TDP2: variants seen among roughly 807,000 people sequenced by gnomAD.
The protein encoded by TDP2 is 5'-Tyr-DNA phosphodiesterase.
A neutral mutation model predicts 42.8 loss-of-function variants in TDP2; 38 were observed. That is an observed-to-expected ratio of 0.89 (90% CI 0.68 to 1.16). TDP2 has a LOEUF of 1.16. TDP2 is among the 50% of genes most tolerant of loss of function. The pLI, the probability that TDP2 is intolerant of heterozygous loss-of-function variation, is 0.00. For synonymous variants in TDP2, 173 were observed against 150.6 expected (o/e 1.15, Z -1.09); for missense variants, 439 against 439.3 (o/e 1.00, Z 0.01).
chr6:24,659,386 T>A (rs144094433), intron 2 of TDP2, among the ~76,000 whole-genome samples: 25 of 152,334 alleles, frequency 1.6e-4, no homozygotes, highest in Middle Eastern at 6.8e-3. Flanking sequence ...AGGGCACATG[T>A]CCACAAGGTA....
At chr6:24,654,931 G>T (rs960632661) in intron 4 of TDP2, among the ~76,000 whole-genome samples, 2 of 152,260 alleles carry the variant, frequency 1.3e-5, no homozygotes, top group South Asian at 4.1e-4. Context: ...CCAGCTACTC[G>T]GGAGGCTGAA....
intron 2 of TDP2, among the ~76,000 whole-genome samples, chr6:24,661,915 C>T (rs1277089035): frequency 1.3e-5 from 2 of 152,104 alleles, no homozygotes; most frequent in Middle Eastern, 3.2e-3. Flanking sequence ...AATTCTTCTG[C>T]CTTGAGGTGC....
chr6:24,653,159 G>C lies in TDP2; in HGVS notation c.637-6C>G. On this transcript the variant is annotated splice_polypyrimidine_tract_variant and splice_region_variant and intron_variant, in intron 5 of 6. Transcript: ENST00000378198. ...TCATTTCCTGACACGTTCACCTGCA[G>C]CAGGACAAACAGTCATTAAAACTGT... The C allele has an allele frequency of 6.2e-7, 1 of 1,613,752 alleles. No individual in the cohort carries two copies. Among genetic ancestry groups the C allele is most frequent in the South Asian group, 1.1e-5 (1 of 91,070 alleles).
At chr6:24,654,815 C>T (rs3181236) in intron 4 of TDP2, among the ~76,000 whole-genome samples, 11,641 of 152,048 alleles carry the variant, frequency 0.077, 1,307 homozygotes, top group East Asian at 0.45. Flanking sequence ...TCGAGGTGGG[C>T]GGATCACCTG....
chr6:24,654,078 T>C (rs1219967849), intron 5 of TDP2, among the ~76,000 whole-genome samples: 4 of 152,200 alleles, frequency 2.6e-5, no homozygotes, highest in Non-Finnish European at 5.9e-5. Flanking sequence ...CTATATACTA[T>C]ATCAGAGCAA....
At position 24,658,691 on chromosome 6, in the gene TDP2, T is replaced by C. The variant is rs375353513; in HGVS notation, c.295A>G (p.Lys99Glu). 2.7e-5 allele frequency: 43 copies of C among 1,613,822 alleles called. No individual in the cohort carries two copies. The highest frequency in any genetic ancestry group is 3.5e-5 in the Non-Finnish European group (41 of 1,179,840). The change falls in exon 3 of 7, where the codon AAA becomes GAA. Residue 99 changes from lysine (K) to glutamate (E), a missense_variant. Lys to Glu is a moderately conservative substitution (Grantham distance 56). Coordinates refer to ENST00000378198, the MANE Select transcript of TDP2 (RefSeq NM_016614.3). ...NEETTDSTTS[K>E]ISPSEDTQQE... is the part of the protein sequence containing the mutation. ...TGAGTATCTTCAGATGGGCTGATTT[T>C]AGAAGTGGTGGAATCAGTTGTTTCT...
At position 24,666,516 on chromosome 6, in the gene TDP2, C is replaced by T. The variant is rs763986535; in HGVS notation, c.251+10G>A. ...CGTGCGGACTGGCTCCCGCTCCCCT[C>T]ATCACTTACTAGGTCTTGGGCTCAG... On this transcript the variant is annotated intron_variant, in intron 2 of 6. Transcript: ENST00000378198. The T allele has an allele frequency of 1.9e-6, 3 of 1,613,648 alleles. No homozygotes were observed. In the South Asian group the frequency reaches 3.3e-5, roughly 18 times the overall value.
intron 2 of TDP2, 63 bp downstream of exon 2, chr6:24,666,463 G>A: frequency 6.5e-7 from 1 of 1,544,880 alleles, no homozygotes; most frequent in Non-Finnish European, 8.9e-7. Flanking sequence ...CCCAGGACGC[G>A]CAGGGCTACC....
intron 3 of TDP2, 144 bp downstream of exon 3, chr6:24,658,417 A>G: frequency 1.6e-6 from 1 of 626,130 alleles, no homozygotes; most frequent in South Asian, 3.5e-5. Flanking sequence ...TCCTGCTCTC[A>G]GAGGCAATCA....
At chr6:24,658,787 A>C in intron 2 of TDP2, 53 bp from the exon 3 acceptor site, 2 of 1,538,558 alleles carry the variant, frequency 1.3e-6, no homozygotes, top group Non-Finnish European at 1.8e-6. Context: ...AAATTGATTA[A>C]GAATTATTTT....
At chr6:24,661,949 A>T (rs1356651960) in intron 2 of TDP2, among the ~76,000 whole-genome samples, 4 of 152,220 alleles carry the variant, frequency 2.6e-5, no homozygotes, top group African/African-American at 9.6e-5. Context: ...CTCTAGCCTC[A>T]ACCCTGTGCT....
At chr6:24,660,780 A>G (rs1428433391) in intron 2 of TDP2, among the ~76,000 whole-genome samples, 1 of 151,908 alleles carries the variant, frequency 6.6e-6, no homozygotes, top group Non-Finnish European at 1.5e-5. Flanking sequence ...TTCAATCCAG[A>G]AAAGTTTTTC....
intron 2 of TDP2, among the ~76,000 whole-genome samples, chr6:24,662,977 A>C (rs771384201): frequency 5.3e-5 from 8 of 152,240 alleles, no homozygotes; most frequent in Non-Finnish European, 8.8e-5. Flanking sequence ...TGCTCATCAC[A>C]TCAGGCCCCT....
intron 2 of TDP2, among the ~76,000 whole-genome samples, chr6:24,665,041 A>T (rs1778207875): frequency 6.6e-6 from 1 of 152,224 alleles, no homozygotes; most frequent in African/African-American, 2.4e-5. Context: ...TGGTTTGACC[A>T]AAACAGGAGA....
rs911405905 is a variant in TDP2 at position 24,650,591 on chromosome 6, T to G, written c.*197A>C. 28 of 606,576 alleles carry G rather than the reference T, an allele frequency of 4.6e-5. No homozygotes were observed. The highest frequency in any genetic ancestry group is 3.9e-4 in the Admixed American group (12 of 30,482). The allele number at this position is 606,576 out of a possible 1,614,324, so 37.6% of individuals were successfully genotyped here. On this transcript the variant is annotated 3_prime_UTR_variant, in exon 7 of 7. Coordinates refer to ENST00000378198, the MANE Select transcript of TDP2 (RefSeq NM_016614.3). ...GCCCTTTTTATTAAATGGCCTCACA[T>G]CCTGAATGCAGGAATGTGTTCGTTT...
At position 24,650,057 on chromosome 6, in the gene TDP2, T is replaced by G. The variant is rs1373444868; in HGVS notation, c.*731A>C. On this transcript the variant is annotated 3_prime_UTR_variant, in exon 7 of 7. Coordinates refer to ENST00000378198, the MANE Select transcript of TDP2 (RefSeq NM_016614.3). ...AAAGCACACTTAAAAGTAATTTGCA[T>G]TTACTTCCTGTAAAGCATTTCCATT... is the stretch of plus-strand genomic sequence containing the variant. The G allele has an allele frequency of 6.6e-6, 1 of 152,242 alleles. No homozygotes were observed. Among genetic ancestry groups the G allele is most frequent in the African/African-American group, 2.4e-5 (1 of 41,458 alleles). 9.4% of individuals were successfully genotyped at this position (152,242 alleles called of 1,614,324 possible). A position where few individuals can be genotyped will look rare whatever the true frequency, so the allele number is the denominator to read the frequency against.
chr6:24,654,851 A>C (rs1778038577), intron 4 of TDP2, among the ~76,000 whole-genome samples: 1 of 152,136 alleles, frequency 6.6e-6, no homozygotes, highest in Non-Finnish European at 1.5e-5. Flanking sequence ...GACCAACCTG[A>C]CCAAAATGGA....
At chr6:24,658,768 ATAATC>A in intron 2 of TDP2, 34 bp from the exon 3 acceptor site, 1 of 1,575,490 alleles carries the variant, frequency 6.3e-7, no homozygotes, top group Non-Finnish European at 8.6e-7. Flanking sequence ...GGCTTTGCAA[ATAATC>A]TATAAATTGA....
At chr6:24,659,626 T>A (rs942474655) in intron 2 of TDP2, among the ~76,000 whole-genome samples, 3 of 152,236 alleles carry the variant, frequency 2.0e-5, no homozygotes, top group South Asian at 2.1e-4. Context: ...CTCAGAAACG[T>A]AGGATTTCTA....
Sources: gnomAD v4.1 joint callset for allele counts (sites outside exome capture counted in the v4.1 genomes callset) on GRCh38, gnomAD v4.1.1 for gene constraint, MANE v1.5 for transcripts, NCBI Gene and HGNC (gene_info 2026-07-23, HGNC 2026-07-21) for gene names.